SPSB3: variants seen among roughly 807,000 people sequenced by gnomAD.
SPSB3 encodes the protein splA/ryanodine receptor domain and SOCS box containing 3, also known as SPRY domain-containing SOCS box protein 3.
SPSB3 carries 18 observed loss-of-function variants against 29.5 expected under a neutral mutation model. The ratio of observed to expected loss-of-function variants is 0.61; its 90% CI spans 0.42 to 0.91. The LOEUF (loss-of-function observed/expected upper bound fraction) is 0.91, where lower values mean the gene tolerates loss of function less well. SPSB3 is among the 40% of genes least tolerant of loss of function. The pLI is 0.00. For synonymous variants in SPSB3, 299 were observed against 214.1 expected (o/e 1.40, Z -3.46); for missense variants, 540 against 507.5 (o/e 1.06, Z -0.61).
rs778880603 is a variant in SPSB3 at position 1,777,254 on chromosome 16, C to T, written c.911G>A (p.Gly304Asp). The change falls in exon 7 of 7, where the codon GGC (glycine) becomes GAC (aspartate). Residue 304 changes from glycine (G) to aspartate (D), a missense_variant. Transcript: ENST00000566339. ...DTLEGLPLPP[G>D]LKQVLHNKLG... ...CTTGTTGTGTAGCACCTGCTTGAGG[C>T]CCGGCGGCAGCGGCAGACCCTCCAG... 1.2e-6 allele frequency: 2 copies of T among 1,610,498 alleles called. No homozygotes were observed.
chr16:1,777,283 G>A lies in SPSB3; in HGVS notation c.882C>T (p.Asp294=). The A allele has an allele frequency of 6.2e-7, 1 of 1,610,400 alleles. No homozygotes were observed. The highest frequency in any genetic ancestry group is 8.5e-7 in the Non-Finnish European group (1 of 1,179,808). Residue 294 remains aspartate (D), a synonymous_variant, in exon 7 of 7, where the codon GAC becomes GAT. Coordinates refer to ENST00000566339, the MANE Select transcript of SPSB3 (RefSeq NM_080861.4). ...GCGGCAGCGGCAGACCCTCCAGCGT[G>A]TCTCCCGAGTCTGGCCGCAGCTGGC... ...RLRQLRPDSG[D]TLEGLPLPPG... is the part of the protein sequence containing the mutation.
At chr16:1,780,879 C>G in intron 2 of SPSB3, 1 of 330,914 alleles carries the variant, frequency 3.0e-6, no homozygotes, top group Non-Finnish European at 5.9e-6. Context: ...ACTACAGGCA[C>G]GTGCCACCAC....
intron 2 of SPSB3, chr16:1,781,085 A>C: frequency 7.9e-7 from 1 of 1,269,066 alleles, no homozygotes; most frequent in Admixed American, 2.3e-5. Context: ...CAACCTCTCC[A>C]TGCACCATGT....
rs777662995 is a variant in SPSB3 at position 1,777,938 on chromosome 16, T to A, written c.595+8A>T. ...GCTCGGCCCCGCCCCACCCTGGGCC[T>A]CACGCACCCGTGTAGGAGAGGCCCC... On this transcript the variant is annotated splice_region_variant and intron_variant, in intron 5 of 6. Transcript: ENST00000566339. 2.1e-5 allele frequency: 34 copies of A among 1,612,252 alleles called. No homozygotes were observed. The Admixed American group carries it at 5.7e-4, about 27-fold the overall frequency.
chr16:1,777,744 C>T lies in SPSB3; in HGVS notation c.721+3G>A. The T allele has an allele frequency of 6.2e-7, 1 of 1,612,098 alleles. No homozygotes were observed. Among genetic ancestry groups the T allele is most frequent in the Non-Finnish European group, 8.5e-7 (1 of 1,179,874 alleles). ...AGGAGCTCAAGTCCTGTGACGGCCTCACCTATACACTTCCTGTTCTTGAAA... is the reference window on the plus strand; with the variant it reads ...AGGAGCTCAAGTCCTGTGACGGCCTTACCTATACACTTCCTGTTCTTGAAA... On this transcript the variant is annotated splice_donor_region_variant and intron_variant, in intron 6 of 6. Transcript: ENST00000566339.
Position 1,777,275 on chromosome 16 carries a change from T to G in SPSB3, c.890A>C (p.Glu297Ala), listed in dbSNP as rs1433720324. 6.2e-7 allele frequency: 1 copy of G among 1,610,484 alleles called. No individual in the cohort carries two copies. The highest frequency in any genetic ancestry group is 2.2e-5 in the East Asian group (1 of 44,884). The change falls in exon 7 of 7, where the codon GAG (glutamate) becomes GCG (alanine). Residue 297 changes from glutamate (E) to alanine (A), a missense_variant. Transcript: ENST00000566339. Reference sequence around the variant, plus strand: ...GAGGCCCGGCGGCAGCGGCAGACCCTCCAGCGTGTCTCCCGAGTCTGGCCG... The same window carrying G: ...GAGGCCCGGCGGCAGCGGCAGACCCGCCAGCGTGTCTCCCGAGTCTGGCCG... ...QLRPDSGDTL[E>A]GLPLPPGLKQ...
At chr16:1,778,105 C>A (rs1236174000) in intron 4 of SPSB3, 29 bp downstream of exon 4, 1 of 1,612,958 alleles carries the variant, frequency 6.2e-7, no homozygotes, top group East Asian at 2.2e-5. Flanking sequence ...CCAGGTTCCC[C>A]AGAAGCACCC....
At chr16:1,781,911 G>C (rs1178437) in intron 1 of SPSB3, 137,392 of 196,046 alleles carry the variant, frequency 0.7, 49,627 homozygotes, top group African/African-American at 0.86. Flanking sequence ...TTCCCCTCAC[G>C]CCCGGCCCGA....
intron 6 of SPSB3, 128 bp downstream of exon 6, chr16:1,777,619 G>T: frequency 4.0e-6 from 6 of 1,484,566 alleles, no homozygotes; most frequent in Non-Finnish European, 5.4e-6. Context: ...CACCCCCTGG[G>T]ACCCTGGGGC....
chr16:1,778,113 C>A, intron 4 of SPSB3, 21 bp downstream of exon 4: 1 of 1,612,870 alleles, frequency 6.2e-7, no homozygotes, highest in Non-Finnish European at 8.5e-7. Context: ...CCCAGAAGCA[C>A]CCTGGGCCGA....
chr16:1,780,353 C>T (rs890078468), intron 2 of SPSB3: 1 of 148,506 alleles, frequency 6.7e-6, no homozygotes, highest in Non-Finnish European at 1.5e-5. Context: ...AAATCACCCC[C>T]CACAGGGACC....
intron 2 of SPSB3, chr16:1,781,151 CCT>C (rs1896691905): frequency 1.3e-6 from 2 of 1,523,318 alleles, no homozygotes; most frequent in Non-Finnish European, 1.8e-6. Context: ...TCCTGTCACC[CCT>C]GAGGCTGTGT....
At position 1,777,358 on chromosome 16, in the gene SPSB3, G is replaced by T; in HGVS notation, c.807C>A (p.Arg269=). The change falls in exon 7 of 7, where the codon CGC becomes CGA. Residue 269 remains arginine (R), a synonymous_variant. Coordinates refer to ENST00000566339, the MANE Select transcript of SPSB3 (RefSeq NM_080861.4). ...TAARSSMKVT[R]SCASATSLQY... ...GGAGGGAAGTGGCGCTGGCACAGGA[G>T]CGGGTGACCTTCATGCTGCTCCGGG... is the stretch of plus-strand genomic sequence containing the variant. The T allele has an allele frequency of 6.2e-7, 1 of 1,606,338 alleles. No individual in the cohort carries two copies. Among genetic ancestry groups the T allele is most frequent in the Non-Finnish European group, 8.5e-7 (1 of 1,178,552 alleles).
intron 2 of SPSB3, 38 bp from the exon 3 acceptor site, chr16:1,778,650 GCTCTCTACCCTCTCACCCTTGCCCT>G (rs2042750969): frequency 2.6e-6 from 4 of 1,519,090 alleles, no homozygotes; most frequent in Non-Finnish European, 3.5e-6. Flanking sequence ...CCTGTTGCCC[GCTCTCTACCCTCTCACCCTTGCCCT>G]CTGTCCCTGT....
At chr16:1,777,562 C>T in intron 6 of SPSB3, 119 bp from the exon 7 acceptor site, 1 of 1,352,682 alleles carries the variant, frequency 7.4e-7, no homozygotes, top group Non-Finnish European at 9.8e-7. Context: ...TGAGGCAAGG[C>T]AGGGTGCACG....
intron 2 of SPSB3, chr16:1,779,014 G>C: frequency 5.5e-6 from 1 of 181,078 alleles, no homozygotes; most frequent in Non-Finnish European, 1.1e-5. Flanking sequence ...GCAGCCACCC[G>C]GCCTCAGGGC....
In SPSB3 at chr16:1,778,538, G is replaced by T; in HGVS notation, c.201C>A (p.Gly67=). The change falls in exon 3 of 7, where the codon GGC becomes GGA. Residue 67 remains glycine, a synonymous_variant. Transcript: ENST00000566339. ...GCCCAGCACAGTCACAGAAGGACTC[G>T]CCGGTCACGGGCACCGCACTGGGGA... ...PSIPSAVPVT[G]ESFCDCAGQS... is the part of the protein sequence containing the mutation. 2 of 1,609,034 alleles carry T rather than the reference G, an allele frequency of 1.2e-6. No homozygotes were observed. The highest frequency in any genetic ancestry group is 8.5e-7 in the Non-Finnish European group (1 of 1,177,428).
chr16:1,778,270 C>A lies in SPSB3; in HGVS notation c.356G>T (p.Ser119Ile). The change falls in exon 4 of 7, where the codon AGC becomes ATC. Residue 119 changes from serine to isoleucine, a missense_variant. Physicochemically the swap from Ser to Ile is moderately radical, Grantham distance 142. Coordinates refer to ENST00000566339, the MANE Select transcript of SPSB3 (RefSeq NM_080861.4). ...GAAGCTGACCTTACGGTTGTCACAG[C>A]TCAGCAGGGTGGCTGATGACTTATT... is the stretch of plus-strand genomic sequence containing the variant. The part of the protein sequence containing the change: ...DLNKSSATLL[S>I]CDNRKVSFHM... 2 of 1,612,894 alleles carry A rather than the reference C, an allele frequency of 1.2e-6. No homozygotes were observed. The highest frequency in any genetic ancestry group is 1.7e-6 in the Non-Finnish European group (2 of 1,180,020).
rs761584229 is a variant in SPSB3, at chr16:1,777,108, G to A, written c.1057C>T (p.Arg353Cys). 1.5e-5 allele frequency: 24 copies of A among 1,611,166 alleles called. No individual in the cohort carries two copies. The highest frequency in any genetic ancestry group is 2.2e-5 in the East Asian group (1 of 44,868). ...CACTGGGAAGTCAGTCAGGTCCGGC[G>A]GCAGCGCTTCCTCTGGCAGGGCCGA... ...EPRPCQRKRC[R>C]RT Residue 353 changes from arginine to cysteine, a missense_variant, in exon 7 of 7, where the codon CGC becomes TGC. By Grantham distance (180) the Arg-to-Cys change is radical. Transcript: ENST00000566339.
Sources: allele counts gnomAD v4.1 joint callset, GRCh38; gene constraint gnomAD v4.1.1; transcripts MANE v1.5; gene names NCBI Gene and HGNC (gene_info 2026-07-23, HGNC 2026-07-21).